CUL2: variants seen among roughly 807,000 people sequenced by gnomAD.
CUL2 encodes the protein cullin-2.
CUL2 carries 22 observed loss-of-function variants against 110.2 expected under a neutral mutation model. The ratio of observed to expected loss-of-function variants is 0.20; its 90% confidence interval spans 0.14 to 0.28. The LOEUF (loss-of-function observed/expected upper bound fraction) is 0.28, where lower values mean the gene tolerates loss of function less well. CUL2 is among the 10% of genes least tolerant of loss of function. The pLI is 1.00. For missense variants in CUL2, 631 were observed against 905.5 expected, an observed-to-expected ratio of 0.70 and a Z score of 3.89; for synonymous variants, 279 against 293.2, an observed-to-expected ratio of 0.95 and a Z score of 0.49.
chr10:35,109,861 C>G (rs1055773234), intron 1 of CUL2, among the ~76,000 whole-genome samples: 7 of 152,174 alleles, frequency 4.6e-5, no homozygotes, highest in African/African-American at 1.7e-4. Context: ...ATGATACAAT[C>G]TGGTTTGCCA....
rs564979559 is a variant in CUL2, at chr10:35,104,745, G to T, written c.-50-3685C>A. On this transcript the variant is annotated intron_variant, in intron 1 of 5. Coordinates refer to the CUL2 transcript ENST00000685421. ...AACGAAGAATCAAAGACTTTTCTGG[G>T]GGGGGGACAGTCTTGCTCTTGTTGC... is the stretch of plus-strand genomic sequence containing the variant. Among the ~76,000 whole-genome samples, 6 of 151,940 alleles carry T rather than the reference G, an allele frequency of 3.9e-5. No homozygotes were observed. The East Asian group carries it at 7.8e-4, about 20-fold the overall frequency.
chr10:35,058,430 C>T (rs541388789), intron 4 of CUL2, among the ~76,000 whole-genome samples: 1 of 152,154 alleles, frequency 6.6e-6, no homozygotes, highest in Non-Finnish European at 1.5e-5. Context: ...TTGCTAGCCT[C>T]GAAACCATTA....
chr10:35,074,646 A>T lies in CUL2; in HGVS notation c.-22-3307T>A, dbSNP rs115715059. Among the ~76,000 whole-genome samples the T allele has an allele frequency of 7.9e-3, 1,202 of 151,960 alleles. 20 individuals carry two copies. Among genetic ancestry groups the T allele is most frequent in the African/African-American group, 0.027 (1,128 of 41,448 alleles). Reference sequence around the variant, plus strand: ...GGGGATTACAGGCGTGAGCCATCGCACCCTAATTTTTGTATTGTTAATAGA... The same window carrying T: ...GGGGATTACAGGCGTGAGCCATCGCTCCCTAATTTTTGTATTGTTAATAGA... On this transcript the variant is annotated intron_variant, in intron 1 of 20. Transcript: ENST00000374749.
At chr10:35,071,573 T>A (rs1365549763) in intron 1 of CUL2, among the ~76,000 whole-genome samples, 1 of 152,052 alleles carries the variant, frequency 6.6e-6, no homozygotes, top group Non-Finnish European at 1.5e-5. Context: ...CCCAGCTAAT[T>A]TTTTGTATTT....
intron 9 of CUL2, among the ~76,000 whole-genome samples, chr10:35,036,741 T>C (rs552910875): frequency 1.3e-5 from 2 of 152,316 alleles, no homozygotes; most frequent in South Asian, 2.1e-4. Flanking sequence ...GTGGTTTTAA[T>C]GGCTTTTTTT....
At chr10:35,027,381 T>C (rs936617025) in intron 16 of CUL2, among the ~76,000 whole-genome samples, 1 of 152,030 alleles carries the variant, frequency 6.6e-6, no homozygotes, top group Non-Finnish European at 1.5e-5. Context: ...CCTGACCTCA[T>C]GATCCGCCCG....
At chr10:35,106,147 T>C (rs1589065377) in intron 1 of CUL2, among the ~76,000 whole-genome samples, 1 of 152,164 alleles carries the variant, frequency 6.6e-6, no homozygotes, top group East Asian at 1.9e-4. Flanking sequence ...TGAATGGGAT[T>C]AGTGCCTTTA....
At chr10:35,063,589 T>C (rs1243785864) in intron 2 of CUL2, among the ~76,000 whole-genome samples, 2 of 152,084 alleles carry the variant, frequency 1.3e-5, no homozygotes. Flanking sequence ...ATACCATGAA[T>C]AGGAATATCA....
In CUL2 at chr10:35,031,472, T is replaced by C. The variant is rs2085478663; in HGVS notation, c.1299+19A>G. On this transcript the variant is annotated intron_variant, in intron 13 of 20. Coordinates refer to ENST00000374749, the MANE Select transcript of CUL2 (RefSeq NM_003591.4). The surrounding 1 kb of genome is among the most constrained non-coding windows in gnomAD (Gnocchi z 4.4). The stretch of plus-strand genomic sequence containing the variant: ...AAGTTGACCAAAATACAAATGAAAC[T>C]TTTCTGTTCACAACATACCTTTTGA... The C allele has an allele frequency of 6.2e-7, 1 of 1,605,580 alleles. No homozygotes were observed.
chr10:35,059,896 CACACATACACAA>C (rs1188341316), intron 4 of CUL2, among the ~76,000 whole-genome samples: 4 of 152,204 alleles, frequency 2.6e-5, no homozygotes, highest in African/African-American at 9.7e-5. Flanking sequence ...TCATTTTACA[CACACATACACAA>C]ACACATATTA....
At chr10:35,058,315 G>A (rs1324242967) in intron 4 of CUL2, among the ~76,000 whole-genome samples, 1 of 152,170 alleles carries the variant, frequency 6.6e-6, no homozygotes, top group East Asian at 1.9e-4. Context: ...TTACAAGTTT[G>A]TGTCGAAACA....
chr10:35,079,521 C>T (rs1448447386), intron 1 of CUL2: 2 of 152,644 alleles, frequency 1.3e-5, no homozygotes, highest in African/African-American at 4.8e-5. Context: ...TTCCACCCAC[C>T]AGTGTAATGC....
chr10:35,031,271 G>T lies in CUL2; in HGVS notation c.1386+29C>A. The stretch of plus-strand genomic sequence containing the variant: ...TATGTGCTTGTGAATGAATTTCTAG[G>T]ACAATACCACATTAAAGACTTACAT... On this transcript the variant is annotated intron_variant, in intron 14 of 20. Coordinates refer to ENST00000374749, the MANE Select transcript of CUL2 (RefSeq NM_003591.4). The surrounding 1 kb of genome is among the most constrained non-coding windows in gnomAD (Gnocchi z 4.4). The T allele has an allele frequency of 7.2e-7, 1 of 1,387,604 alleles. No homozygotes were observed. Among genetic ancestry groups the T allele is most frequent in the South Asian group, 1.3e-5 (1 of 78,714 alleles). 86.0% of individuals were successfully genotyped at this position (1,387,604 alleles called of 1,614,324 possible).
chr10:35,061,059 A>C lies in CUL2; in HGVS notation c.223-91T>G, dbSNP rs964204106. ...TGTATCAAAATTAATGTTCTAAAAT[A>C]ATTTACATAATTCTAGCTGTACAAA... is the stretch of plus-strand genomic sequence containing the variant. On this transcript the variant is annotated intron_variant, in intron 3 of 20. Coordinates refer to ENST00000374749, the MANE Select transcript of CUL2 (RefSeq NM_003591.4). 3 of 1,319,312 alleles carry C rather than the reference A, an allele frequency of 2.3e-6. No individual in the cohort carries two copies. In the African/African-American group the frequency reaches 4.4e-5, roughly 20 times the overall value. The allele number at this position is 1,319,312 out of a possible 1,614,324, so 81.7% of individuals were successfully genotyped here. A position where few individuals can be genotyped will look rare whatever the true frequency, so the allele number is the denominator to read the frequency against.
chr10:35,055,445 A>T (rs1466485799), intron 4 of CUL2, among the ~76,000 whole-genome samples: 1 of 152,226 alleles, frequency 6.6e-6, no homozygotes, highest in African/African-American at 2.4e-5. Context: ...TAAACACATA[A>T]TTCCTGGCCA....
intron 1 of CUL2, among the ~76,000 whole-genome samples, chr10:35,077,642 A>G (rs2086852487): frequency 6.6e-6 from 1 of 151,416 alleles, no homozygotes; most frequent in Non-Finnish European, 1.5e-5. Flanking sequence ...ACATGGAGAA[A>G]CCCGGTCTCT....
At chr10:35,037,514 G>A (rs2085652636) in intron 9 of CUL2, among the ~76,000 whole-genome samples, 1 of 152,146 alleles carries the variant, frequency 6.6e-6, no homozygotes, top group Non-Finnish European at 1.5e-5. Flanking sequence ...ATTGGGTTTT[G>A]ACTACATTGC....
chr10:35,015,403 T>C (rs2085001039), intron 18 of CUL2, among the ~76,000 whole-genome samples: 1 of 152,210 alleles, frequency 6.6e-6, no homozygotes, highest in Non-Finnish European at 1.5e-5. Flanking sequence ...CTTTTACAGT[T>C]GTTCAGTTAT....
intron 9 of CUL2, among the ~76,000 whole-genome samples, chr10:35,037,422 G>A (rs545964710): frequency 3.8e-4 from 58 of 152,208 alleles, no homozygotes; most frequent in African/African-American, 1.4e-3. Context: ...ATTACTATAG[G>A]TTTTACAATA....
Sources: gnomAD v4.1 joint callset for allele counts (sites outside exome capture counted in the v4.1 genomes callset) on GRCh38, gnomAD v4.1.1 for gene constraint, Gnocchi (gnomAD v3.1) non-coding constraint, MANE v1.5 for transcripts, NCBI Gene and HGNC (gene_info 2026-07-23, HGNC 2026-07-21) for gene names.